The following NUDCD3 variants were observed in gnomAD, a reference collection of about 807,000 sequenced individuals.
NUDCD3 encodes the protein NudC domain containing 3.
A neutral mutation model predicts 39.7 loss-of-function variants in NUDCD3; 13 were observed. That is an observed-to-expected ratio of 0.33 (90% confidence interval 0.21 to 0.52). The LOEUF (loss-of-function observed/expected upper bound fraction) is 0.52, where lower values mean the gene tolerates loss of function less well. Among genes scored for constraint, NUDCD3 ranks in the 20% least tolerant of loss-of-function variants. The pLI is 0.96. For missense variants in NUDCD3, 453 were observed against 458.1 expected (o/e 0.99, Z 0.10); for synonymous variants, 175 against 172.4 (o/e 1.02, Z -0.12).
chr7:44,438,085 G>A (rs1156300834), intron 2 of NUDCD3, among the ~76,000 whole-genome samples: 5 of 152,108 alleles, frequency 3.3e-5, no homozygotes, highest in Non-Finnish European at 7.3e-5. Context: ...GCTGGGTGTA[G>A]TGACTTACGC....
rs937955247 is a variant in NUDCD3 at position 44,383,130 on chromosome 7, TG to T, written c.*2880del. On this transcript the variant is annotated 3_prime_UTR_variant, in exon 6 of 6. Transcript: ENST00000355451. ...AAGATCTGACTGAGGAAGAAGCAGG[TG>T]GCCAGCCACCTGGGAGACTTCTGTG... 1 of 152,300 alleles carries T rather than the reference TG, an allele frequency of 6.6e-6. No homozygotes were observed. The highest frequency in any genetic ancestry group is 6.5e-5 in the Admixed American group (1 of 15,286). The allele number at this position is 152,300 out of a possible 1,614,324, so 9.4% of individuals were successfully genotyped here. A position where few individuals can be genotyped will look rare whatever the true frequency, so the allele number is the denominator to read the frequency against.
At chr7:44,444,970 A>G (rs560290021) in intron 2 of NUDCD3, among the ~76,000 whole-genome samples, 13 of 152,334 alleles carry the variant, frequency 8.5e-5, no homozygotes, top group African/African-American at 3.1e-4. Flanking sequence ...CAAGTATCAT[A>G]ACCAAACTTG....
chr7:44,394,788 G>A (rs972920088), intron 4 of NUDCD3, among the ~76,000 whole-genome samples: 7 of 152,272 alleles, frequency 4.6e-5, no homozygotes, highest in South Asian at 4.1e-4. Flanking sequence ...GCAGGGGGTC[G>A]GCCTACATAC....
At chr7:44,462,151 A>T (rs953486674) in intron 2 of NUDCD3, among the ~76,000 whole-genome samples, 12 of 150,074 alleles carry the variant, frequency 8.0e-5, no homozygotes, top group African/African-American at 2.2e-4. Context: ...GTACACACAC[A>T]CTCTCTCTCT....
chr7:44,468,728 A>C (rs1349384930), intron 2 of NUDCD3, among the ~76,000 whole-genome samples: 1 of 152,162 alleles, frequency 6.6e-6, no homozygotes, highest in African/African-American at 2.4e-5. Context: ...TCTTGGAGAA[A>C]GGGTCCATTC....
intron 2 of NUDCD3, among the ~76,000 whole-genome samples, chr7:44,438,873 G>C (rs917671941): frequency 2.0e-5 from 3 of 152,206 alleles, no homozygotes; most frequent in Admixed American, 1.3e-4. Flanking sequence ...TTGTTAACAT[G>C]TATTTCTCAC....
At chr7:44,440,015 A>C (rs1053492183) in intron 2 of NUDCD3, among the ~76,000 whole-genome samples, 1 of 152,212 alleles carries the variant, frequency 6.6e-6, no homozygotes, top group Admixed American at 6.5e-5. Flanking sequence ...TTTAACAAAT[A>C]ATTTGAAACT....
At position 44,392,412 on chromosome 7, in the gene NUDCD3, T is replaced by C. The variant is rs899192050; in HGVS notation, c.860A>G (p.Lys287Arg). The C allele has an allele frequency of 5.0e-6, 8 of 1,614,036 alleles. No homozygotes were observed. The highest frequency in any genetic ancestry group is 4.0e-5 in the African/African-American group (3 of 74,926). The change falls in exon 5 of 6, where the codon AAG (lysine) becomes AGG (arginine). Residue 287 changes from lysine to arginine, a missense_variant. Physicochemically the swap from Lys to Arg is conservative, Grantham distance 26. Transcript: ENST00000355451. ...LEGEEPIDID[K>R]INKERSMATV... ...GGCCATGGAGCGCTCCTTGTTGATCTTGTCAATGTCGATGGGCTCTTCTCC... is the reference window on the plus strand; with the variant it reads ...GGCCATGGAGCGCTCCTTGTTGATCCTGTCAATGTCGATGGGCTCTTCTCC...
intron 2 of NUDCD3, among the ~76,000 whole-genome samples, chr7:44,475,423 T>C (rs768128593): frequency 3.9e-5 from 6 of 152,242 alleles, no homozygotes; most frequent in Non-Finnish European, 7.4e-5. Context: ...TAAAATTTTA[T>C]AAATATACAT....
chr7:44,437,891 T>C (rs1344224629), intron 2 of NUDCD3, among the ~76,000 whole-genome samples: 5 of 152,366 alleles, frequency 3.3e-5, no homozygotes, highest in African/African-American at 9.6e-5. Context: ...ATATTTACTA[T>C]AAAACTACTT....
At chr7:44,463,803 A>AAAATACAAAAATTT (rs1263016371) in intron 2 of NUDCD3, among the ~76,000 whole-genome samples, 1 of 152,110 alleles carries the variant, frequency 6.6e-6, no homozygotes, top group Non-Finnish European at 1.5e-5. Context: ...TTACAAAAGG[A>AAAATACAAAAATTT]ATGTATTTTT....
At chr7:44,386,166 G>A (rs1798398946) in intron 5 of NUDCD3, 45 bp from the exon 6 acceptor site, 2 of 1,600,500 alleles carry the variant, frequency 1.2e-6, no homozygotes, top group South Asian at 1.1e-5. Flanking sequence ...ACAACGCACT[G>A]TGTACTTTCT....
chr7:44,461,003 T>C (rs1400075642), intron 2 of NUDCD3, among the ~76,000 whole-genome samples: 1 of 152,238 alleles, frequency 6.6e-6, no homozygotes, highest in Non-Finnish European at 1.5e-5. Context: ...TCCTAGGTAG[T>C]CCTAGACAAC....
chr7:44,444,492 C>T (rs1799653186), intron 2 of NUDCD3, among the ~76,000 whole-genome samples: 1 of 152,178 alleles, frequency 6.6e-6, no homozygotes, highest in South Asian at 2.1e-4. Flanking sequence ...TATACATTCA[C>T]AAAGAGAAAA....
At chr7:44,389,607 T>C (rs920059786) in intron 5 of NUDCD3, among the ~76,000 whole-genome samples, 1 of 152,170 alleles carries the variant, frequency 6.6e-6, no homozygotes, top group Admixed American at 6.5e-5. Context: ...TCAATGAAAC[T>C]GCAAAGCAGG....
chr7:44,434,862 C>T (rs1023008969), intron 2 of NUDCD3, among the ~76,000 whole-genome samples: 3 of 152,206 alleles, frequency 2.0e-5, no homozygotes, highest in Non-Finnish European at 2.9e-5. Flanking sequence ...AATGGGAACA[C>T]TAATAGCATC....
At chr7:44,440,293 A>C (rs1224076794) in intron 2 of NUDCD3, among the ~76,000 whole-genome samples, 3 of 152,184 alleles carry the variant, frequency 2.0e-5, no homozygotes, top group Non-Finnish European at 4.4e-5. Context: ...AATCATAAGA[A>C]AACACTACAT....
chr7:44,489,167 C>T (rs1241108722), intron 1 of NUDCD3, among the ~76,000 whole-genome samples: 1 of 152,194 alleles, frequency 6.6e-6, no homozygotes, highest in African/African-American at 2.4e-5. Flanking sequence ...TGAATTGGTA[C>T]GTAAACTTGA....
At chr7:44,396,253 A>T (rs1563164565) in intron 4 of NUDCD3, among the ~76,000 whole-genome samples, 1 of 152,130 alleles carries the variant, frequency 6.6e-6, no homozygotes, top group East Asian at 1.9e-4. Context: ...CATCACTGTA[A>T]CCAAGTGGGC....
Sources: gnomAD v4.1 joint callset for allele counts (sites outside exome capture counted in the v4.1 genomes callset) on GRCh38, gnomAD v4.1.1 for gene constraint, MANE v1.5 for transcripts, NCBI Gene and HGNC (gene_info 2026-07-23, HGNC 2026-07-21) for gene names.